SYT9: variants seen among roughly 807,000 people sequenced by gnomAD.
SYT9 encodes synaptotagmin-9.
SYT9 carries 22 observed loss-of-function variants against 48.4 expected under a neutral mutation model. The ratio of observed to expected loss-of-function variants is 0.45; its 90% confidence interval spans 0.32 to 0.65. The LOEUF is 0.65. Ranked by LOEUF, SYT9 falls within the 30% of genes least tolerant of loss-of-function variation. The probability of loss-of-function intolerance (pLI) is 0.03; values close to 1 mark genes in which losing one functional copy is unlikely to be tolerated. For synonymous variants in SYT9, 265 were observed against 245.0 expected (o/e 1.08, Z -0.76); for missense variants, 577 against 622.0 (o/e 0.93, Z 0.77).
At chr11:7,414,546 C>T (rs771574238) in intron 3 of SYT9, among the ~76,000 whole-genome samples, 2 of 152,204 alleles carry the variant, frequency 1.3e-5, no homozygotes, top group Admixed American at 6.5e-5. Context: ...AACCTCCAGT[C>T]GTATAGAATT....
chr11:7,275,701 C>T (rs917071208), intron 1 of SYT9, among the ~76,000 whole-genome samples: 2 of 152,188 alleles, frequency 1.3e-5, no homozygotes, highest in Non-Finnish European at 1.5e-5. Context: ...TCCTGGACAT[C>T]TCCATTTGCA....
chr11:7,246,351 C>T (rs11041281), intron 1 of SYT9, among the ~76,000 whole-genome samples: 28,836 of 152,162 alleles, frequency 0.19, 2,973 homozygotes, highest in African/African-American at 0.26. Context: ...GTTTATTTCT[C>T]TATATATTAC....
chr11:7,413,418 T>C (rs1847178038), intron 3 of SYT9, among the ~76,000 whole-genome samples: 1 of 152,172 alleles, frequency 6.6e-6, no homozygotes, highest in Non-Finnish European at 1.5e-5. Context: ...TTTGAAGCAA[T>C]ACCACTGTGC....
chr11:7,347,961 C>G (rs1849834152), intron 3 of SYT9, among the ~76,000 whole-genome samples: 1 of 152,208 alleles, frequency 6.6e-6, no homozygotes, highest in Non-Finnish European at 1.5e-5. Context: ...AACAGCGACT[C>G]TGCTCTAGCT....
chr11:7,443,089 C>T (rs1263662553), intron 6 of SYT9, among the ~76,000 whole-genome samples: 1 of 152,010 alleles, frequency 6.6e-6, no homozygotes, highest in African/African-American at 2.4e-5. Context: ...TCTGGTGTGC[C>T]CTTGTGGAAG....
intron 6 of SYT9, among the ~76,000 whole-genome samples, chr11:7,452,508 C>T (rs1156651145): frequency 6.6e-6 from 1 of 152,154 alleles, no homozygotes; most frequent in African/African-American, 2.4e-5. Context: ...CAAAGTTTTG[C>T]TTCTATACGG....
intron 3 of SYT9, among the ~76,000 whole-genome samples, chr11:7,384,671 G>A (rs1047470550): frequency 6.6e-6 from 1 of 152,150 alleles, no homozygotes; most frequent in Non-Finnish European, 1.5e-5. Context: ...GGGCTATCCT[G>A]TAATAGTGCT....
chr11:7,377,035 G>A (rs1436604878), intron 3 of SYT9, among the ~76,000 whole-genome samples: 2 of 148,782 alleles, frequency 1.3e-5, no homozygotes, highest in African/African-American at 5.0e-5. Flanking sequence ...CCTTTATCTA[G>A]TATGTAGATA....
chr11:7,294,072 A>C (rs1848744209), intron 1 of SYT9, among the ~76,000 whole-genome samples: 1 of 152,198 alleles, frequency 6.6e-6, no homozygotes, highest in Non-Finnish European at 1.5e-5. Context: ...AGGCACCAGC[A>C]TATTTTCTGT....
chr11:7,244,811 A>ATGTG (rs987571580), intron 1 of SYT9, among the ~76,000 whole-genome samples: 2 of 152,190 alleles, frequency 1.3e-5, no homozygotes, highest in African/African-American at 4.8e-5. Context: ...AGGGGTAAGG[A>ATGTG]TGTGGTCTAA....
At chr11:7,437,175 G>T (rs796844737) in intron 6 of SYT9, among the ~76,000 whole-genome samples, 19 of 152,226 alleles carry the variant, frequency 1.2e-4, no homozygotes, top group African/African-American at 3.1e-4. Context: ...GATAGCCTAA[G>T]TTTCTCATTT....
At chr11:7,400,567 C>A (rs1846868297) in intron 3 of SYT9, among the ~76,000 whole-genome samples, 2 of 151,948 alleles carry the variant, frequency 1.3e-5, no homozygotes, top group South Asian at 4.2e-4. Flanking sequence ...AAAAAGTGCC[C>A]ATAGATGACA....
intron 3 of SYT9, among the ~76,000 whole-genome samples, chr11:7,346,714 A>C (rs1316799293): frequency 6.6e-6 from 1 of 152,240 alleles, no homozygotes; most frequent in Non-Finnish European, 1.5e-5. Context: ...TTTCAAAAAT[A>C]ATTTGCTGGA....
At chr11:7,340,697 A>T (rs1849697639) in intron 3 of SYT9, among the ~76,000 whole-genome samples, 1 of 152,198 alleles carries the variant, frequency 6.6e-6, no homozygotes, top group Non-Finnish European at 1.5e-5. Flanking sequence ...CAGACTCTCT[A>T]GAGCCTGGAG....
intron 6 of SYT9, among the ~76,000 whole-genome samples, chr11:7,421,251 G>A (rs1465255245): frequency 6.6e-6 from 1 of 152,154 alleles, no homozygotes; most frequent in Non-Finnish European, 1.5e-5. Context: ...GTCCCAGTGT[G>A]GCTTTGTTCC....
At chr11:7,267,122 G>A (rs1446375058) in intron 1 of SYT9, among the ~76,000 whole-genome samples, 1 of 151,888 alleles carries the variant, frequency 6.6e-6, no homozygotes, top group East Asian at 1.9e-4. Flanking sequence ...AGACTTAGAA[G>A]TCATAAACTT....
chr11:7,310,818 G>A (rs998082756), intron 2 of SYT9, among the ~76,000 whole-genome samples: 3 of 152,246 alleles, frequency 2.0e-5, no homozygotes, highest in African/African-American at 7.2e-5. Context: ...GGTTCTCAGG[G>A]AATGGGATCT....
chr11:7,239,763 T>C (rs1426578914), intron 1 of SYT9, among the ~76,000 whole-genome samples: 1 of 151,974 alleles, frequency 6.6e-6, no homozygotes, highest in African/African-American at 2.4e-5. Context: ...TGGATTGGAT[T>C]AGGAGGGAGA....
At chr11:7,298,464 T>C (rs1848852489) in intron 1 of SYT9, among the ~76,000 whole-genome samples, 1 of 152,192 alleles carries the variant, frequency 6.6e-6, no homozygotes, top group Non-Finnish European at 1.5e-5. Flanking sequence ...TTCTGATGGC[T>C]CAGCTTGGTT....
Sources: allele counts gnomAD v4.1 joint callset (sites outside exome capture counted in the v4.1 genomes callset), GRCh38; gene constraint gnomAD v4.1.1; transcripts MANE v1.5; gene names NCBI Gene and HGNC (gene_info 2026-07-23, HGNC 2026-07-21).